NUP155: variants seen among roughly 807,000 people sequenced by gnomAD.
NUP155 encodes the protein nuclear pore complex protein Nup155.
In NUP155, 71 loss-of-function variants were observed where a neutral mutation model predicts 180.4. The observed-to-expected ratio is 0.39, with a 90% confidence interval of 0.33 to 0.48. The LOEUF is 0.48. Among genes scored for constraint, NUP155 ranks in the 20% least tolerant of loss-of-function variants. The probability of loss-of-function intolerance (pLI) is 0.91; values close to 1 mark genes in which losing one functional copy is unlikely to be tolerated. For synonymous variants in NUP155, 582 were observed against 559.5 expected (o/e 1.04, Z -0.57); for missense variants, 1,553 against 1,648.9 (o/e 0.94, Z 1.01).
chr5:37,295,722 G>A (rs543989713), intron 32 of NUP155, among the ~76,000 whole-genome samples: 27 of 151,064 alleles, frequency 1.8e-4, no homozygotes, highest in African/African-American at 5.1e-4. Flanking sequence ...TGTGAGGAGC[G>A]TCTCTGCCCG....
chr5:37,361,306 GGAGA>G (rs532385418), intron 3 of NUP155, among the ~76,000 whole-genome samples: 35 of 144,144 alleles, frequency 2.4e-4, no homozygotes, highest in African/African-American at 8.3e-4. Context: ...GAACAGAAAA[GGAGA>G]GAGAGAGAGA....
At chr5:37,364,087 T>C (rs1747392089) in intron 2 of NUP155, 103 bp from the exon 3 acceptor site, 3 of 1,123,762 alleles carry the variant, frequency 2.7e-6, no homozygotes, top group Non-Finnish European at 4.0e-6. Flanking sequence ...TCACAATGTG[T>C]CCACTCTTTA....
intron 20 of NUP155, among the ~76,000 whole-genome samples, chr5:37,320,474 G>A (rs1212502784): frequency 6.6e-6 from 1 of 152,190 alleles, no homozygotes; most frequent in East Asian, 1.9e-4. Context: ...GTGAAACTCT[G>A]TCTCAATTAA....
chr5:37,319,830 C>A (rs1371888798), intron 20 of NUP155, among the ~76,000 whole-genome samples: 1 of 152,060 alleles, frequency 6.6e-6, no homozygotes, highest in African/African-American at 2.4e-5. Flanking sequence ...GTGATCATGC[C>A]ACTGCACTCC....
chr5:37,309,515 C>T (rs1743392369), intron 23 of NUP155: 3 of 456,086 alleles, frequency 6.6e-6, no homozygotes, highest in Non-Finnish European at 8.0e-6. Flanking sequence ...CTTGCCTAGT[C>T]AATACATTAT....
chr5:37,324,014 C>T lies in NUP155; in HGVS notation c.2185G>A (p.Gly729Arg). The change falls in exon 20 of 35, where the codon GGA becomes AGA. Residue 729 changes from glycine to arginine, a missense_variant. Transcript: ENST00000231498. ...TACTTTGGATTTCCTAATGGTCCTC[C>T]TGCAAACTGGGAGTTTCTGTCTAGA... ...EFLDRNSQFAGGPLGNPNTTA... is the reference protein window; with the variant it reads ...EFLDRNSQFARGPLGNPNTTA... 1 of 1,610,636 alleles carries T rather than the reference C, an allele frequency of 6.2e-7. No individual in the cohort carries two copies. The highest frequency in any genetic ancestry group is 8.5e-7 in the Non-Finnish European group (1 of 1,176,898).
chr5:37,301,732 A>C (rs1742873623), intron 29 of NUP155, among the ~76,000 whole-genome samples, 182 bp from the exon 30 acceptor site: 1 of 152,230 alleles, frequency 6.6e-6, no homozygotes, highest in African/African-American at 2.4e-5. Context: ...TTTCACAGGA[A>C]GTATACTGTG....
At position 37,303,317 on chromosome 5, in the gene NUP155, T is replaced by G; in HGVS notation, c.3260A>C (p.Lys1087Thr). 1 of 1,614,182 alleles carries G rather than the reference T, an allele frequency of 6.2e-7. No homozygotes were observed. Among genetic ancestry groups the G allele is most frequent in the Non-Finnish European group, 8.5e-7 (1 of 1,180,026 alleles). ...AGCAGCATTACTGAAACTTCTGTTC[T>G]TCTCGTAATACCGCCAGAGTAAATC... The part of the protein sequence containing the change: ...YMDLLWRYYE[K>T]NRSFSNAARV... Residue 1087 changes from lysine to threonine, a missense_variant, in exon 28 of 35, where the codon AAG (lysine) becomes ACG (threonine). Physicochemically the swap from Lys to Thr is moderately conservative, Grantham distance 78. Coordinates refer to ENST00000231498, the MANE Select transcript of NUP155 (RefSeq NM_153485.3).
intron 2 of NUP155, 50 bp downstream of exon 2, chr5:37,364,196 GA>G (rs1747398753): frequency 3.5e-6 from 5 of 1,412,554 alleles, no homozygotes; most frequent in African/African-American, 1.4e-5. Context: ...TTATAAGAAT[GA>G]AAAATACCAA....
chr5:37,364,781 C>T (rs529487975), intron 1 of NUP155, among the ~76,000 whole-genome samples: 6 of 151,840 alleles, frequency 4.0e-5, no homozygotes, highest in African/African-American at 1.2e-4. Flanking sequence ...AGACTACAGG[C>T]GTCCGCCACC....
Position 37,314,314 on chromosome 5 carries a change from C to T in NUP155, c.2320G>A (p.Glu774Lys), listed in dbSNP as rs754648844. The T allele has an allele frequency of 6.2e-7, 1 of 1,606,512 alleles. No homozygotes were observed. Among genetic ancestry groups the T allele is most frequent in the East Asian group, 2.2e-5 (1 of 44,802 alleles). The change falls in exon 22 of 35, where the codon GAA becomes AAA. Residue 774 changes from glutamate (E) to lysine (K), a missense_variant. Transcript: ENST00000231498. ...QRKFHEAQLS[E>K]KISLQAIQQL... ...TGAATTGCCTGAAGTGAAATCTTTT[C>T]ACTTAGTTGAGCCTCTAATGAGAAA... is the stretch of plus-strand genomic sequence containing the variant.
intron 10 of NUP155, among the ~76,000 whole-genome samples, chr5:37,341,549 A>G (rs1024696762): frequency 6.7e-6 from 1 of 148,332 alleles, no homozygotes; most frequent in Non-Finnish European, 1.5e-5. Flanking sequence ...TTTTATTTTT[A>G]TTTTTTTTTG....
chr5:37,325,731 T>C (rs982172741), intron 19 of NUP155, among the ~76,000 whole-genome samples, 170 bp downstream of exon 19: 2 of 128,660 alleles, frequency 1.6e-5, no homozygotes, highest in African/African-American at 6.2e-5. Context: ...ACTGGGCCAC[T>C]GCACTCCAGC....
Position 37,292,265 on chromosome 5 carries a change from C to G in NUP155, c.4038-227G>C, listed in dbSNP as rs216393. 0.51 allele frequency among the ~76,000 whole-genome samples: 76,890 copies of G among 151,006 alleles called. 22,365 individuals are homozygous for G. The highest frequency in any genetic ancestry group is 0.82 in the African/African-American group (33,602 of 41,228). On this transcript the variant is annotated intron_variant, in intron 34 of 34. Coordinates refer to ENST00000231498, the MANE Select transcript of NUP155 (RefSeq NM_153485.3). ...GAGTCTCGCTCTGTCACTCAGGCTG[C>G]AGTGCAGTGGCGCCATCTCGGCTCA...
intron 27 of NUP155, 21 bp downstream of exon 27, chr5:37,304,718 C>A: frequency 6.8e-7 from 1 of 1,467,710 alleles, no homozygotes; most frequent in Non-Finnish European, 9.5e-7. Context: ...ATTAACACAA[C>A]TGCAATAAAA....
rs751900424 is a variant in NUP155 at position 37,352,720 on chromosome 5, CAT to C, written c.556+15_556+16del. The C allele has an allele frequency of 6.5e-7, 1 of 1,548,588 alleles. No individual in the cohort carries two copies. The highest frequency in any genetic ancestry group is 8.9e-7 in the Non-Finnish European group (1 of 1,120,782). On this transcript the variant is annotated intron_variant, in intron 5 of 34. Transcript: ENST00000231498. ...ATACTATTATTTTAAAAAACGTTAA[CAT>C]GTGGGTTGCCATACCTGTTTGCAAA...
chr5:37,334,782 T>C (rs777202100), intron 12 of NUP155, among the ~76,000 whole-genome samples: 3 of 152,206 alleles, frequency 2.0e-5, no homozygotes, highest in Non-Finnish European at 4.4e-5. Context: ...TTTAATAAAA[T>C]TATAATTCTC....
intron 1 of NUP155, among the ~76,000 whole-genome samples, chr5:37,365,213 T>C (rs1747477017): frequency 6.6e-6 from 1 of 151,494 alleles, no homozygotes; most frequent in Non-Finnish European, 1.5e-5. Context: ...GAGCTGAGAT[T>C]GTGTCATTGC....
At chr5:37,357,821 C>T (rs953033882) in intron 4 of NUP155, among the ~76,000 whole-genome samples, 4 of 151,982 alleles carry the variant, frequency 2.6e-5, no homozygotes, top group African/African-American at 4.8e-5. Flanking sequence ...GGCGGAGCCC[C>T]GTCTCTACTA....
Sources: gnomAD v4.1 joint callset for allele counts (sites outside exome capture counted in the v4.1 genomes callset) on GRCh38, gnomAD v4.1.1 for gene constraint, MANE v1.5 for transcripts, NCBI Gene and HGNC (gene_info 2026-07-23, HGNC 2026-07-21) for gene names.